Variants in SAMD12 observed in about 807,000 individuals in gnomAD.
SAMD12 encodes the protein sterile alpha motif domain-containing protein 12.
Under a neutral mutation model 15.0 loss-of-function variants are expected in SAMD12, and 9 were observed. The observed-to-expected ratio is 0.60, with a 90% CI of 0.36 to 1.05. The LOEUF (loss-of-function observed/expected upper bound fraction) is 1.05, where lower values mean the gene tolerates loss of function less well. Among genes scored for constraint, SAMD12 ranks in the 50% least tolerant of loss-of-function variants. SAMD12 has a pLI of 0.01. For synonymous variants in SAMD12, 86 were observed against 90.1 expected, an observed-to-expected ratio of 0.96 and a Z score of 0.25; for missense variants, 230 against 234.2, an observed-to-expected ratio of 0.98 and a Z score of 0.12.
At chr8:118,151,045 T>A in the SAMD12 span, among the ~76,000 whole-genome samples, 119 of 148,228 alleles carry the variant, frequency 8.0e-4, no homozygotes, top group African/African-American at 2.7e-3. Context: ...TCTAAAAAAA[T>A]TTTTTTTTTA....
At chr8:118,325,693 T>A (rs955294965) in intron 4 of SAMD12, among the ~76,000 whole-genome samples, 9 of 152,200 alleles carry the variant, frequency 5.9e-5, no homozygotes, top group Admixed American at 2.6e-4. Flanking sequence ...ACTGAAAGCA[T>A]GTGCCCTTTG....
intron 3 of SAMD12, among the ~76,000 whole-genome samples, chr8:118,437,811 AGCATTGATGCATGAATCTTTATTTCT>A (rs1822618269): frequency 6.6e-6 from 1 of 152,190 alleles, no homozygotes; most frequent in Non-Finnish European, 1.5e-5. Context: ...TTATTCCATA[AGCATTGATGCATGAATCTTTATTTCT>A]GAGGACTGTA....
At chr8:118,200,491 C>T (rs1339082373) in intron 4 of SAMD12, among the ~76,000 whole-genome samples, 1 of 150,156 alleles carries the variant, frequency 6.7e-6, no homozygotes, top group African/African-American at 2.5e-5. Context: ...ATAAATAGAA[C>T]TAGAAGCCAC....
chr8:118,198,845 C>A (rs1819635077), intron 4 of SAMD12, among the ~76,000 whole-genome samples: 1 of 151,610 alleles, frequency 6.6e-6, no homozygotes, highest in Non-Finnish European at 1.5e-5. Flanking sequence ...AATGCATATG[C>A]CTAAATGTAG....
chr8:118,470,615 T>C (rs1471755258), intron 2 of SAMD12, among the ~76,000 whole-genome samples: 1 of 152,086 alleles, frequency 6.6e-6, no homozygotes, highest in Non-Finnish European at 1.5e-5. Context: ...ATGCATGTAA[T>C]AGCTCCTGAT....
At chr8:118,258,552 T>G (rs1813005567) in intron 4 of SAMD12, among the ~76,000 whole-genome samples, 1 of 152,170 alleles carries the variant, frequency 6.6e-6, no homozygotes, top group African/African-American at 2.4e-5. Flanking sequence ...GAATATCTTA[T>G]TGGCCTAGAT....
intron 4 of SAMD12, among the ~76,000 whole-genome samples, chr8:118,220,680 A>C (rs999260777): frequency 6.6e-6 from 1 of 152,228 alleles, no homozygotes; most frequent in African/African-American, 2.4e-5. Context: ...GCAGAGAAAC[A>C]AGATCTAGAC....
chr8:118,469,720 G>A (rs915554051), intron 2 of SAMD12, among the ~76,000 whole-genome samples: 3 of 147,374 alleles, frequency 2.0e-5, no homozygotes, highest in Non-Finnish European at 3.0e-5. Flanking sequence ...GTGCCACCAC[G>A]CCTGGCTATT....
chr8:118,240,379 T>A (rs955741622), intron 4 of SAMD12, among the ~76,000 whole-genome samples: 1 of 152,216 alleles, frequency 6.6e-6, no homozygotes, highest in Admixed American at 6.5e-5. Flanking sequence ...GAATACTTTG[T>A]TAAGCAGCAG....
chr8:118,304,499 G>A (rs185019913), intron 4 of SAMD12, among the ~76,000 whole-genome samples: 4 of 152,190 alleles, frequency 2.6e-5, no homozygotes, highest in East Asian at 3.9e-4. Context: ...AGTGGCTCAC[G>A]CCTGTAATCG....
intron 2 of SAMD12, among the ~76,000 whole-genome samples, chr8:118,460,597 A>C (rs1823387974): frequency 6.6e-6 from 1 of 152,186 alleles, no homozygotes; most frequent in Non-Finnish European, 1.5e-5. Context: ...TCTAGGACAG[A>C]GGTGCATGAG....
chr8:118,134,875 T>C, the SAMD12 span, among the ~76,000 whole-genome samples: 1 of 152,200 alleles, frequency 6.6e-6, no homozygotes, highest in Non-Finnish European at 1.5e-5. Context: ...TGCTCATTAT[T>C]GTCTGAGGTT....
intron 4 of SAMD12, among the ~76,000 whole-genome samples, chr8:118,308,400 A>G (rs1476182868): frequency 6.6e-6 from 1 of 152,186 alleles, no homozygotes; most frequent in East Asian, 1.9e-4. Flanking sequence ...CTTTACATAA[A>G]TGATCTTATT....
the SAMD12 span, among the ~76,000 whole-genome samples, chr8:118,173,842 C>T: frequency 6.6e-6 from 1 of 152,098 alleles, no homozygotes; most frequent in Non-Finnish European, 1.5e-5. Context: ...GTTGGCCAGG[C>T]TAGTCTTGAA....
At position 118,514,175 on chromosome 8, in the gene SAMD12, T is replaced by C. The variant is rs565446089; in HGVS notation, c.192+66540A>G. Among the ~76,000 whole-genome samples, 6 of 152,300 alleles carry C rather than the reference T, an allele frequency of 3.9e-5. No individual in the cohort carries two copies. In the East Asian group the frequency reaches 1.2e-3, roughly 29 times the overall value. On this transcript the variant is annotated intron_variant, in intron 2 of 3. Coordinates refer to ENST00000314727, the MANE Select transcript of SAMD12 (RefSeq NM_207506.3). ...TCACAAGGCATTTAAAATGATTTTT[T>C]AAGTTTCCATACAACTCTCTAATGG...
intron 3 of SAMD12, among the ~76,000 whole-genome samples, chr8:118,420,053 C>T (rs898295635): frequency 2.6e-5 from 4 of 152,200 alleles, no homozygotes; most frequent in African/African-American, 7.2e-5. Flanking sequence ...TCAAGGGTGG[C>T]ATCTACAGAG....
chr8:118,148,788 G>T, the SAMD12 span, among the ~76,000 whole-genome samples: 4 of 152,272 alleles, frequency 2.6e-5, no homozygotes, highest in South Asian at 8.3e-4. Flanking sequence ...GTCATATGTG[G>T]TTATTTACAT....
intron 4 of SAMD12, among the ~76,000 whole-genome samples, chr8:118,218,397 A>G (rs926771254): frequency 4.6e-5 from 7 of 152,202 alleles, no homozygotes; most frequent in Admixed American, 4.6e-4. Context: ...GAGAACATTT[A>G]AAATCTATTC....
intron 2 of SAMD12, among the ~76,000 whole-genome samples, chr8:118,463,822 G>A (rs1320403864): frequency 6.6e-6 from 1 of 151,856 alleles, no homozygotes; most frequent in Non-Finnish European, 1.5e-5. Flanking sequence ...TCAGCACAAG[G>A]GGGCAGGCAG....
Sources: gnomAD v4.1 joint callset for allele counts (sites outside exome capture counted in the v4.1 genomes callset) on GRCh38, gnomAD v4.1.1 for gene constraint, MANE v1.5 for transcripts, NCBI Gene and HGNC (gene_info 2026-07-23, HGNC 2026-07-21) for gene names.